C1QTNF1: variants seen among roughly 807,000 people sequenced by gnomAD.
The protein encoded by C1QTNF1 is C1q and TNF related 1.
In C1QTNF1, 22 loss-of-function variants were observed where a neutral mutation model predicts 27.8. That is an observed-to-expected ratio of 0.79 (90% CI 0.56 to 1.13). C1QTNF1 has a LOEUF of 1.13. Among genes scored for constraint, C1QTNF1 ranks in the 50% most tolerant of loss-of-function variants. C1QTNF1 has a pLI of 0.00. For synonymous variants in C1QTNF1, 166 were observed against 154.3 expected, an observed-to-expected ratio of 1.08 and a Z score of -0.56; for missense variants, 373 against 380.2, an observed-to-expected ratio of 0.98 and a Z score of 0.16.
chr17:79,023,212 G>A (rs2071822379), upstream of C1QTNF1: 1 of 152,208 alleles, frequency 6.6e-6, no homozygotes, highest in Non-Finnish European at 1.5e-5. Flanking sequence ...CTGCAACATC[G>A]AGGTGAGGGG....
intron 1 of C1QTNF1, among the ~76,000 whole-genome samples, chr17:79,030,051 C>T (rs565244130): frequency 8.1e-4 from 123 of 152,268 alleles, no homozygotes; most frequent in African/African-American, 2.6e-3. Context: ...TGCAATATAA[C>T]AAGCTCTCTT....
Position 79,046,079 on chromosome 17 carries a change from C to G in C1QTNF1, c.156-476C>G, listed in dbSNP as rs1275705854. ...GAGCCGCCGCCGTCCATCCTGCCTG[C>G]GGGCTTGTCCTTCCAATCAGGTTGG... is the stretch of plus-strand genomic sequence containing the variant. On this transcript the variant is annotated intron_variant, in intron 2 of 3. Coordinates refer to ENST00000579760, the MANE Select transcript of C1QTNF1 (RefSeq NM_030968.5). This position sits in a 1 kb window ranked among gnomAD's most constrained non-coding sequence, Gnocchi z 4.8. Among the ~76,000 whole-genome samples, 1 of 152,190 alleles carries G rather than the reference C, an allele frequency of 6.6e-6. No individual in the cohort carries two copies. Among genetic ancestry groups the G allele is most frequent in the Non-Finnish European group, 1.5e-5 (1 of 68,032 alleles).
chr17:79,030,463 CTTTCTTTCTTTCTTTCTTTCTT>C (rs536545122), intron 1 of C1QTNF1, among the ~76,000 whole-genome samples: 4,645 of 118,678 alleles, frequency 0.039, 68 homozygotes, highest in African/African-American at 0.068. Flanking sequence ...TCTTTCTTTT[CTTTCTTTCTTTCTTTCTTTCTT>C]TTTCTTTCTT....
At chr17:79,045,892 A>G (rs1030579140) in intron 2 of C1QTNF1, among the ~76,000 whole-genome samples, 1 of 152,022 alleles carries the variant, frequency 6.6e-6, no homozygotes, top group Admixed American at 6.5e-5. Flanking sequence ...CGTTTCCTGG[A>G]TAGTCTGGGG....
intron 1 of C1QTNF1, 116 bp from the exon 2 acceptor site, chr17:79,043,839 G>T: frequency 9.0e-7 from 1 of 1,112,030 alleles, no homozygotes; most frequent in Non-Finnish European, 1.3e-6. Context: ...CCAGTGGCGT[G>T]AGGCTGGGGA....
chr17:79,043,772 A>T (rs555569994), intron 1 of C1QTNF1, 183 bp from the exon 2 acceptor site: 1 of 715,224 alleles, frequency 1.4e-6, no homozygotes. Flanking sequence ...GCGTGTATGC[A>T]TGCATGGGTG....
At chr17:79,036,789 G>A (rs941821614) in intron 1 of C1QTNF1, among the ~76,000 whole-genome samples, 2 of 152,084 alleles carry the variant, frequency 1.3e-5, no homozygotes, top group African/African-American at 4.8e-5. Context: ...GCAAATCATG[G>A]GCATTCAGTA....
rs908485218 is a variant in C1QTNF1, at chr17:79,027,083, G to GC, written c.-15+2589_-15+2590insC. 1.0e-4 allele frequency among the ~76,000 whole-genome samples: 9 copies of GC among 88,970 alleles called. No individual in the cohort carries two copies. The East Asian group carries it at 3.3e-3, about 33-fold the overall frequency. The allele number at this position is 88,970 out of a possible 152,430, so 58.4% of individuals were successfully genotyped here. On this transcript the variant is annotated intron_variant, in intron 1 of 3. Transcript: ENST00000579760. ...CCTCAGGGGTCCCTGTTCCTGGGCG[G>GC]GGGGGGGCTGTGGCTGAGGCTCCAG...
At chr17:79,040,863 C>T (rs1297522622) in intron 1 of C1QTNF1, among the ~76,000 whole-genome samples, 2 of 151,566 alleles carry the variant, frequency 1.3e-5, no homozygotes, top group Non-Finnish European at 2.9e-5. Context: ...GAGATTGCAC[C>T]ACTGCACTCA....
chr17:79,030,284 G>A (rs1036208811), intron 1 of C1QTNF1, among the ~76,000 whole-genome samples: 6 of 151,872 alleles, frequency 4.0e-5, no homozygotes, highest in Non-Finnish European at 7.4e-5. Flanking sequence ...ATTGCTGTTG[G>A]CAGCCTGGTG....
At chr17:79,038,520 G>A (rs2072320683) in intron 1 of C1QTNF1, among the ~76,000 whole-genome samples, 1 of 152,168 alleles carries the variant, frequency 6.6e-6, no homozygotes, top group Admixed American at 6.5e-5. Context: ...GAATTACCAT[G>A]GAAATTGGCT....
intron 1 of C1QTNF1, among the ~76,000 whole-genome samples, chr17:79,030,513 C>CTTTCT (rs1383629712): frequency 7.9e-6 from 1 of 127,350 alleles, no homozygotes; most frequent in African/African-American, 3.3e-5. Flanking sequence ...TTCTTTCTTT[C>CTTTCT]TTTCTTTCTT....
chr17:79,037,239 C>G (rs1169948240), intron 1 of C1QTNF1, among the ~76,000 whole-genome samples: 1 of 152,200 alleles, frequency 6.6e-6, no homozygotes, highest in East Asian at 1.9e-4. Flanking sequence ...AAGCGATTCT[C>G]CTGCCTCAGC....
chr17:79,026,580 A>AG lies in C1QTNF1; in HGVS notation c.-15+2088dup, dbSNP rs2071968670. ...GAATGCCCAGGGGCAGGAAGGACACAGGTCCGCTACCCAGGGACTCTCTAC... is the reference window on the plus strand; with the variant it reads ...GAATGCCCAGGGGCAGGAAGGACACAGGGTCCGCTACCCAGGGACTCTCTAC... On this transcript the variant is annotated intron_variant, in intron 1 of 3. Transcript: ENST00000579760. Among the ~76,000 whole-genome samples the AG allele has an allele frequency of 3.3e-5, 5 of 152,334 alleles. No homozygotes were observed. The South Asian group carries it at 1.0e-3, about 32-fold the overall frequency.
In C1QTNF1 at chr17:79,046,445, G is replaced by A; in HGVS notation, c.156-110G>A. On this transcript the variant is annotated intron_variant, in intron 2 of 3. Transcript: ENST00000579760. The surrounding 1 kb of genome is among the most constrained non-coding windows in gnomAD (Gnocchi z 4.8). ...AACACAGAGCCTTGTGGGTCCAGGT[G>A]AGAGAGTGAGAAGGCAGGTCAGGCA... 2 of 1,450,412 alleles carry A rather than the reference G, an allele frequency of 1.4e-6. No individual in the cohort carries two copies. The highest frequency in any genetic ancestry group is 4.4e-4 in the Middle Eastern group (2 of 4,564). 89.8% of individuals were successfully genotyped at this position (1,450,412 alleles called of 1,614,324 possible).
intron 1 of C1QTNF1, among the ~76,000 whole-genome samples, chr17:79,033,529 T>G (rs2072189432): frequency 6.8e-6 from 1 of 147,026 alleles, no homozygotes; most frequent in Non-Finnish European, 1.5e-5. Flanking sequence ...AGATCCTGTC[T>G]CTAAAAAAAA....
chr17:79,042,244 G>A (rs1158157213), intron 1 of C1QTNF1, among the ~76,000 whole-genome samples: 1 of 152,256 alleles, frequency 6.6e-6, no homozygotes, highest in Non-Finnish European at 1.5e-5. Flanking sequence ...CTGGGCCTGC[G>A]ACTCCTGATG....
chr17:79,025,233 T>C (rs1302501715), intron 1 of C1QTNF1, among the ~76,000 whole-genome samples: 2 of 152,180 alleles, frequency 1.3e-5, no homozygotes, highest in Non-Finnish European at 2.9e-5. Context: ...CCATGGCTTC[T>C]CCACCGGTGC....
At chr17:79,042,654 A>G (rs1273863843) in intron 1 of C1QTNF1, among the ~76,000 whole-genome samples, 1 of 152,182 alleles carries the variant, frequency 6.6e-6, no homozygotes, top group Non-Finnish European at 1.5e-5. Flanking sequence ...TGATCATTCA[A>G]AGCTTGCTTG....
Sources: gnomAD v4.1 joint callset for allele counts (sites outside exome capture counted in the v4.1 genomes callset) on GRCh38, gnomAD v4.1.1 for gene constraint, Gnocchi (gnomAD v3.1) non-coding constraint, MANE v1.5 for transcripts, NCBI Gene and HGNC (gene_info 2026-07-23, HGNC 2026-07-21) for gene names.